The following STK33 variants were observed in gnomAD, a reference collection of about 807,000 sequenced individuals.
The protein encoded by STK33 is serine/threonine kinase 33.
In STK33, 52 loss-of-function variants were observed where a neutral mutation model predicts 58.0. That is an observed-to-expected ratio of 0.90 (90% CI 0.72 to 1.13). The LOEUF (loss-of-function observed/expected upper bound fraction) is 1.13, where lower values mean the gene tolerates loss of function less well. Among genes scored for constraint, STK33 ranks in the 50% most tolerant of loss-of-function variants. STK33 has a pLI of 0.00. For missense variants in STK33, 630 were observed against 604.2 expected, an observed-to-expected ratio of 1.04 and a Z score of -0.45; for synonymous variants, 215 against 200.1, an observed-to-expected ratio of 1.07 and a Z score of -0.63.
chr11:8,387,360 A>G (rs938514848), downstream of STK33, among the ~76,000 whole-genome samples: 1 of 152,206 alleles, frequency 6.6e-6, no homozygotes, highest in Non-Finnish European at 1.5e-5. Context: ...ACTTGAGCAC[A>G]CTGGCCAGGT....
intron 1 of STK33, among the ~76,000 whole-genome samples, chr11:8,482,535 T>A (rs1473800610): frequency 6.6e-6 from 1 of 152,078 alleles, no homozygotes; most frequent in Non-Finnish European, 1.5e-5. Flanking sequence ...ATAATAAATA[T>A]GAACAAAGTA....
chr11:8,526,801 T>C (rs533928697), intron 1 of STK33, among the ~76,000 whole-genome samples: 11 of 147,688 alleles, frequency 7.4e-5, no homozygotes, highest in African/African-American at 2.5e-4. Flanking sequence ...TGTGACATCA[T>C]TGATGAATAT....
chr11:8,516,237 C>T (rs1193347753), intron 1 of STK33, among the ~76,000 whole-genome samples: 1 of 152,046 alleles, frequency 6.6e-6, no homozygotes, highest in Non-Finnish European at 1.5e-5. Context: ...AATAGAGATC[C>T]CAGAAATAAA....
chr11:8,383,427 C>T, the STK33 span, among the ~76,000 whole-genome samples: 1 of 152,176 alleles, frequency 6.6e-6, no homozygotes, highest in East Asian at 1.9e-4. Context: ...CCCCCAACCC[C>T]AGGAACGTGT....
chr11:8,553,829 A>G (rs559040371), intron 1 of STK33, among the ~76,000 whole-genome samples: 240 of 152,300 alleles, frequency 1.6e-3, no homozygotes, highest in African/African-American at 5.1e-3. Flanking sequence ...ACTTAAATAT[A>G]AGACCCGAAA....
chr11:8,376,838 C>T, the STK33 span, among the ~76,000 whole-genome samples: 2 of 152,256 alleles, frequency 1.3e-5, no homozygotes, highest in East Asian at 1.9e-4. Context: ...CCATGCCCGG[C>T]CGATTCTGCA....
At chr11:8,543,962 TTAAA>T (rs948757261) in intron 1 of STK33, among the ~76,000 whole-genome samples, 1 of 152,210 alleles carries the variant, frequency 6.6e-6, no homozygotes. Context: ...ATGTGATTTT[TTAAA>T]TAGTAATTCA....
chr11:8,351,230 C>T, the STK33 span, among the ~76,000 whole-genome samples: 1 of 152,156 alleles, frequency 6.6e-6, no homozygotes, highest in African/African-American at 2.4e-5. Flanking sequence ...CTTATTTGAC[C>T]CCTGACCTGA....
intron 2 of STK33, among the ~76,000 whole-genome samples, chr11:8,478,709 G>C (rs1949513503): frequency 6.6e-6 from 1 of 151,400 alleles, no homozygotes; most frequent in South Asian, 2.1e-4. Flanking sequence ...AACCTAAATA[G>C]TCAATTCAGT....
intron 9 of STK33, among the ~76,000 whole-genome samples, chr11:8,455,810 CAAAAAAA>C (rs1156835375): frequency 4.2e-5 from 2 of 47,136 alleles, no homozygotes; most frequent in Non-Finnish European, 3.9e-5. Context: ...GACTCTGTCT[CAAAAAAA>C]AAAAAAAAAA....
At chr11:8,463,458 G>T (rs1302236397) in intron 7 of STK33, among the ~76,000 whole-genome samples, 1 of 152,158 alleles carries the variant, frequency 6.6e-6, no homozygotes, top group African/African-American at 2.4e-5. Flanking sequence ...TCATCTCCTG[G>T]TGTGCAGCCT....
At chr11:8,565,652 G>C (rs1489301679) in intron 1 of STK33, 1 of 152,150 alleles carries the variant, frequency 6.6e-6, no homozygotes, top group East Asian at 1.9e-4. Flanking sequence ...CACAGTGCCT[G>C]GCACATAAAT....
chr11:8,555,644 G>A (rs966028628), intron 1 of STK33, among the ~76,000 whole-genome samples: 1 of 151,898 alleles, frequency 6.6e-6, no homozygotes, highest in African/African-American at 2.4e-5. Context: ...CAGCCTGGGT[G>A]ACAGAGCGAG....
chr11:8,523,125 G>A (rs940557579), intron 1 of STK33, among the ~76,000 whole-genome samples: 27 of 152,212 alleles, frequency 1.8e-4, no homozygotes, highest in African/African-American at 5.8e-4. Context: ...GGGCAGTGGC[G>A]TGATCTCGGC....
intron 1 of STK33, among the ~76,000 whole-genome samples, chr11:8,490,799 G>A (rs1950554388): frequency 3.3e-5 from 5 of 152,078 alleles, no homozygotes; most frequent in Non-Finnish European, 4.4e-5. Flanking sequence ...AGGGAAACAC[G>A]GTCTGGAGTA....
intron 1 of STK33, among the ~76,000 whole-genome samples, chr11:8,484,926 G>T (rs1050183603): frequency 6.6e-6 from 1 of 152,174 alleles, no homozygotes; most frequent in African/African-American, 2.4e-5. Flanking sequence ...ACAGGTTCAA[G>T]ATTTTAAAGG....
At chr11:8,519,765 C>A (rs986727230) in intron 1 of STK33, among the ~76,000 whole-genome samples, 2 of 152,146 alleles carry the variant, frequency 1.3e-5, no homozygotes, top group African/African-American at 4.8e-5. Context: ...AATTCCTGGA[C>A]ACATACACCC....
At chr11:8,556,130 G>C (rs943634615) in intron 1 of STK33, among the ~76,000 whole-genome samples, 1 of 152,170 alleles carries the variant, frequency 6.6e-6, no homozygotes, top group African/African-American at 2.4e-5. Context: ...TCAGAAATAG[G>C]AGTAAAGTTG....
At position 8,413,591 on chromosome 11, in the gene STK33, C is replaced by A; in HGVS notation, c.1248G>T (p.Lys416Asn). 6.2e-7 allele frequency: 1 copy of A among 1,614,038 alleles called. No homozygotes were observed. Among genetic ancestry groups the A allele is most frequent in the Non-Finnish European group, 8.5e-7 (1 of 1,179,958 alleles). Reference protein sequence around the residue: ...ESVEENTTEEKNKPSTEEKLK... With the variant: ...ESVEENTTEENNKPSTEEKLK... The stretch of plus-strand genomic sequence containing the variant: ...ACTTTTCTTCAGTGGACGGCTTATT[C>A]TTCTCTTCTGTTGTGTTTTCCTCAA... Residue 416 changes from lysine (K) to asparagine (N), a missense_variant, in exon 15 of 16, where the codon AAG becomes AAT. Transcript: ENST00000687296.
Sources: allele counts gnomAD v4.1 joint callset (sites outside exome capture counted in the v4.1 genomes callset), GRCh38; gene constraint gnomAD v4.1.1; transcripts MANE v1.5; gene names NCBI Gene and HGNC (gene_info 2026-07-23, HGNC 2026-07-21).